NEGR1: variants seen among roughly 807,000 people sequenced by gnomAD.
NEGR1 encodes the protein IgLON family member 4.
NEGR1 carries 10 observed loss-of-function variants against 40.9 expected under a neutral mutation model. The ratio of observed to expected loss-of-function variants is 0.24; its 90% CI spans 0.15 to 0.42. The LOEUF (loss-of-function observed/expected upper bound fraction) is 0.42, where lower values mean the gene tolerates loss of function less well. Among genes scored for constraint, NEGR1 ranks in the 10% least tolerant of loss-of-function variants. The probability of loss-of-function intolerance (pLI) is 1.00; values close to 1 mark genes in which losing one functional copy is unlikely to be tolerated. For synonymous variants in NEGR1, 185 were observed against 166.8 expected, an observed-to-expected ratio of 1.11 and a Z score of -0.84; for missense variants, 352 against 438.9, an observed-to-expected ratio of 0.80 and a Z score of 1.77.
intron 2 of NEGR1, among the ~76,000 whole-genome samples, chr1:71,810,325 G>C (rs1469099075): frequency 6.6e-6 from 1 of 152,062 alleles, no homozygotes; most frequent in Non-Finnish European, 1.5e-5. Flanking sequence ...TTTACACAGA[G>C]AATGGAATTG....
intron 2 of NEGR1, among the ~76,000 whole-genome samples, chr1:71,796,718 G>T (rs1657341753): frequency 6.6e-6 from 1 of 152,042 alleles, no homozygotes; most frequent in African/African-American, 2.4e-5. Context: ...CTCCCTTAAG[G>T]CAGGAGTCAT....
intron 6 of NEGR1, among the ~76,000 whole-genome samples, chr1:71,408,083 G>C (rs1646289694): frequency 6.6e-6 from 1 of 152,004 alleles, no homozygotes; most frequent in South Asian, 2.1e-4. Flanking sequence ...TATTAGAGTT[G>C]CATGTGCATA....
At chr1:72,054,388 C>G (rs1385588268) in intron 1 of NEGR1, among the ~76,000 whole-genome samples, 1 of 151,198 alleles carries the variant, frequency 6.6e-6, no homozygotes, top group Admixed American at 6.6e-5. Flanking sequence ...TTTTCTGAGC[C>G]TTCAGTGTTA....
At chr1:71,732,181 G>A (rs12061690) in intron 3 of NEGR1, among the ~76,000 whole-genome samples, 59 of 152,152 alleles carry the variant, frequency 3.9e-4, no homozygotes, top group African/African-American at 1.3e-3. Flanking sequence ...GGTGGCACAC[G>A]CCTATAGTCG....
chr1:71,805,223 GC>G (rs1307094276), intron 2 of NEGR1, among the ~76,000 whole-genome samples: 11 of 152,006 alleles, frequency 7.2e-5, no homozygotes, highest in Admixed American at 2.6e-4. Flanking sequence ...TTTTAATTTC[GC>G]CCCATCCTGT....
At chr1:71,531,644 C>A (rs1406851338) in intron 6 of NEGR1, among the ~76,000 whole-genome samples, 2 of 151,130 alleles carry the variant, frequency 1.3e-5, no homozygotes, top group African/African-American at 4.8e-5. Context: ...AGAGACTAAC[C>A]CCTGTAAAAT....
chr1:71,918,020 A>T (rs1471399761), intron 2 of NEGR1, among the ~76,000 whole-genome samples: 4 of 150,058 alleles, frequency 2.7e-5, no homozygotes, highest in African/African-American at 4.9e-5. Flanking sequence ...GATCGAGACC[A>T]TCCTATCTAA....
chr1:71,515,657 C>A (rs1207008995), intron 6 of NEGR1, among the ~76,000 whole-genome samples: 1 of 122,242 alleles, frequency 8.2e-6, no homozygotes, highest in Non-Finnish European at 1.7e-5. Context: ...TAGGAAGAAA[C>A]TGCATGAACT....
At chr1:71,734,975 T>G (rs1014564310) in intron 3 of NEGR1, among the ~76,000 whole-genome samples, 1 of 152,130 alleles carries the variant, frequency 6.6e-6, no homozygotes, top group African/African-American at 2.4e-5. Context: ...TCTGCATCTT[T>G]AAGTTCAATC....
chr1:71,651,100 A>G (rs953455013), intron 4 of NEGR1, among the ~76,000 whole-genome samples: 3 of 152,210 alleles, frequency 2.0e-5, no homozygotes, highest in African/African-American at 7.2e-5. Flanking sequence ...GAACTCAAAG[A>G]AAAACTAAGA....
chr1:71,904,923 T>C (rs1247377024), intron 2 of NEGR1, among the ~76,000 whole-genome samples: 4 of 152,254 alleles, frequency 2.6e-5, no homozygotes, highest in African/African-American at 7.2e-5. Context: ...CCTTGCTACA[T>C]ACAAAGCTTC....
At chr1:71,926,589 A>AG in intron 2 of NEGR1, among the ~76,000 whole-genome samples, 1 of 151,602 alleles carries the variant, frequency 6.6e-6, no homozygotes, top group Middle Eastern at 3.4e-3. Flanking sequence ...TTCCTTCTAT[A>AG]GGAAAAAAAA....
intron 1 of NEGR1, among the ~76,000 whole-genome samples, chr1:72,142,603 T>C (rs1433752145): frequency 6.6e-6 from 1 of 151,880 alleles, no homozygotes; most frequent in Non-Finnish European, 1.5e-5. Flanking sequence ...CTATGTAGTA[T>C]AAACATACCC....
intron 6 of NEGR1, among the ~76,000 whole-genome samples, chr1:71,423,808 A>G (rs1416474531): frequency 6.6e-6 from 1 of 150,692 alleles, no homozygotes; most frequent in Non-Finnish European, 1.5e-5. Context: ...CATTATGACC[A>G]ACTCCTCCTC....
At chr1:71,535,256 CTGTT>C (rs1395587184) in intron 6 of NEGR1, among the ~76,000 whole-genome samples, 1 of 151,654 alleles carries the variant, frequency 6.6e-6, no homozygotes, top group Non-Finnish European at 1.5e-5. Context: ...ATTTCCTCGA[CTGTT>C]TGGCTCCCAT....
rs867162166 is a variant in NEGR1 at position 72,265,436 on chromosome 1, T to C, written c.176+16883A>G. Among the ~76,000 whole-genome samples, 4 of 151,060 alleles carry C rather than the reference T, an allele frequency of 2.6e-5. No homozygotes were observed. The South Asian group carries it at 8.3e-4, about 31-fold the overall frequency. ...ATAACTGAAATGTAAACACCCAATT[T>C]AATTAAATAACTAAGAATTAATTTG... On this transcript the variant is annotated intron_variant, in intron 1 of 6. Coordinates refer to ENST00000357731, the MANE Select transcript of NEGR1 (RefSeq NM_173808.3).
intron 6 of NEGR1, among the ~76,000 whole-genome samples, chr1:71,567,493 C>A (rs996026335): frequency 6.6e-6 from 1 of 152,044 alleles, no homozygotes; most frequent in African/African-American, 2.4e-5. Flanking sequence ...CATTTACTAG[C>A]AGTGGTTATT....
At chr1:71,748,098 G>A (rs1242600466) in intron 3 of NEGR1, among the ~76,000 whole-genome samples, 1 of 152,066 alleles carries the variant, frequency 6.6e-6, no homozygotes, top group East Asian at 1.9e-4. Flanking sequence ...TTAGATATGA[G>A]AAGACCAAAT....
At chr1:71,537,009 T>G (rs1455025250) in intron 6 of NEGR1, among the ~76,000 whole-genome samples, 1 of 151,704 alleles carries the variant, frequency 6.6e-6, no homozygotes, top group African/African-American at 2.4e-5. Context: ...CAGAGTTCAT[T>G]GATTCAGTAT....
Sources: gnomAD v4.1 joint callset for allele counts (sites outside exome capture counted in the v4.1 genomes callset) on GRCh38, gnomAD v4.1.1 for gene constraint, MANE v1.5 for transcripts, NCBI Gene and HGNC (gene_info 2026-07-23, HGNC 2026-07-21) for gene names.